The following NBPF19 variants were observed in gnomAD, a reference collection of about 807,000 sequenced individuals.
NBPF19 encodes NBPF family member NBPF19.
A neutral mutation model predicts 45.9 loss-of-function variants in NBPF19; 30 were observed. The observed-to-expected ratio is 0.65, with a 90% CI of 0.49 to 0.89. The LOEUF is 0.89. NBPF19 is among the 40% of genes least tolerant of loss of function. The pLI is 0.00. For synonymous variants in NBPF19, 183 were observed against 181.2 expected, an observed-to-expected ratio of 1.01 and a Z score of -0.08; for missense variants, 495 against 471.8, an observed-to-expected ratio of 1.05 and a Z score of -0.46.
At chr1:149,553,731 G>A in intron 92 of NBPF19, 43 bp from the exon 93 acceptor site, 2 of 92,802 alleles carry the variant, frequency 2.2e-5, no homozygotes, top group African/African-American at 5.8e-4. Context: ...TGTGTGTAGG[G>A]GAATCAGCTT....
Position 149,487,939 on chromosome 1 carries a change from C to G in NBPF19, c.1041-74C>G, listed in dbSNP as rs2085711024. The stretch of plus-strand genomic sequence containing the variant: ...CTTTTCAAACTCTTCCTTATGTTAG[C>G]CATGAAATCTAGCTGGGGCTGTGTG... On this transcript the variant is annotated intron_variant, in intron 9 of 93. Transcript: ENST00000651566. 5.6e-6 allele frequency: 4 copies of G among 720,350 alleles called. 1 individual carries two copies. The Admixed American group carries it at 8.0e-5, about 14-fold the overall frequency. 44.6% of individuals were successfully genotyped at this position (720,350 alleles called of 1,614,324 possible).
In NBPF19 at chr1:149,488,378, C is replaced by T. The variant is rs1461492801; in HGVS notation, c.1213+193C>T. 1.9e-3 allele frequency among the ~76,000 whole-genome samples: 268 copies of T among 142,750 alleles called. 24 individuals carry two copies. The highest frequency in any genetic ancestry group is 2.0e-3 in the Non-Finnish European group (134 of 66,042). The allele number at this position is 142,750 out of a possible 152,430, so 93.6% of individuals were successfully genotyped here. On this transcript the variant is annotated intron_variant, in intron 10 of 93. Transcript: ENST00000651566. ...AAGGGATGGTTCAGTGAGCAAGGCTCTCTTCCTAGTCTCAGGCCATACCTG... is the reference window on the plus strand; with the variant it reads ...AAGGGATGGTTCAGTGAGCAAGGCTTTCTTCCTAGTCTCAGGCCATACCTG...
rs2084770956 is a variant in NBPF19, at chr1:149,475,574, A to G, written c.-257A>G. 8.5e-6 allele frequency: 6 copies of G among 707,068 alleles called. No homozygotes were observed. The highest frequency in any genetic ancestry group is 1.8e-5 in the South Asian group (1 of 54,540). The allele number at this position is 707,068 out of a possible 1,614,324, so 43.8% of individuals were successfully genotyped here. A position where few individuals can be genotyped will look rare whatever the true frequency, so the allele number is the denominator to read the frequency against. On this transcript the variant is annotated 5_prime_UTR_variant, in exon 1 of 94. Transcript: ENST00000651566. ...CCTGTGTTTCAGCAAAGCCTGGGCA[A>G]TTGGAATGCAGAGCTCCTAAGATTC...
At chr1:149,478,172 C>T (rs1570938588) in intron 3 of NBPF19, 125 bp downstream of exon 3, 2 of 783,584 alleles carry the variant, frequency 2.6e-6, no homozygotes, top group African/African-American at 3.4e-5. Context: ...CCATGACAGG[C>T]TCATGACACA....
chr1:149,476,991 C>G lies in NBPF19; in HGVS notation c.175+884C>G, dbSNP rs1350998998. Among the ~76,000 whole-genome samples the G allele has an allele frequency of 8.3e-3, 1,254 of 150,666 alleles. 43 individuals carry two copies. Among genetic ancestry groups the G allele is most frequent in the Admixed American group, 0.011 (169 of 15,112 alleles). On this transcript the variant is annotated intron_variant, in intron 2 of 93. Coordinates refer to ENST00000651566, the MANE Select transcript of NBPF19 (RefSeq NM_001351365.2). ...AAATAAAAATAAAAAGCAGAGAGTACCTTGGTGAGAGTGAAGTCCTGCTTC... is the reference window on the plus strand; with the variant it reads ...AAATAAAAATAAAAAGCAGAGAGTAGCTTGGTGAGAGTGAAGTCCTGCTTC...
intron 9 of NBPF19, 56 bp downstream of exon 9, chr1:149,487,439 G>C (rs1237476067): frequency 7.4e-6 from 7 of 945,308 alleles, no homozygotes; most frequent in South Asian, 3.8e-5. Flanking sequence ...GAGATGCCAA[G>C]TCCAGGGAAA....
Position 149,554,572 on chromosome 1 carries a change from C to G in NBPF19, c.11366C>G (p.Ser3789Ter). ...CTGGATGGATGTTATTCGACTCCGTCAATGTACTTTGAACTACCTGACTCA... is the reference window on the plus strand; with the variant it reads ...CTGGATGGATGTTATTCGACTCCGTGAATGTACTTTGAACTACCTGACTCA... Reference protein sequence around the residue: ...DSLDGCYSTPSMYFELPDSFQ... With the variant: ...DSLDGCYSTP Residue 3789 changes from serine (S) to a stop codon, truncating the protein, a stop_gained, in exon 94 of 94, where the codon TCA becomes TGA. Coordinates refer to ENST00000651566, the MANE Select transcript of NBPF19 (RefSeq NM_001351365.2). LOFTEE classifies it low-confidence loss of function (END_TRUNC). The G allele has an allele frequency of 2.5e-6, 4 of 1,608,246 alleles. No homozygotes were observed. Among genetic ancestry groups the G allele is most frequent in the South Asian group, 1.1e-5 (1 of 90,878 alleles).
rs1302168006 is a variant in NBPF19, at chr1:149,556,315, G to T, written c.*1577G>T. 2 of 149,318 alleles carry T rather than the reference G, an allele frequency of 1.3e-5. No homozygotes were observed. Among genetic ancestry groups the T allele is most frequent in the East Asian group, 3.9e-4 (2 of 5,088 alleles). The allele number at this position is 149,318 out of a possible 1,614,324, so 9.2% of individuals were successfully genotyped here. The stretch of plus-strand genomic sequence containing the variant: ...GTTATAATATTTGATTATGCTGATT[G>T]GTTTTGGTGGGTACTGATGTGAATT... On this transcript the variant is annotated 3_prime_UTR_variant, in exon 94 of 94. Coordinates refer to ENST00000651566, the MANE Select transcript of NBPF19 (RefSeq NM_001351365.2).
At chr1:149,514,889 T>C in intron 43 of NBPF19, 47 bp from the exon 44 acceptor site, 1 of 535,400 alleles carries the variant, frequency 1.9e-6, no homozygotes, top group Non-Finnish European at 3.3e-6. Flanking sequence ...GGCTCTGTTG[T>C]GTGTGATTTC....
Position 149,488,053 on chromosome 1 carries a change from T to C in NBPF19, c.1081T>C (p.Leu361=). The C allele has an allele frequency of 2.9e-6, 2 of 684,126 alleles. 1 individual carries two copies. The highest frequency in any genetic ancestry group is 5.3e-6 in the Non-Finnish European group (2 of 375,786). The allele number at this position is 684,126 out of a possible 1,614,324, so 42.4% of individuals were successfully genotyped here. ...ELLDEKGPEV[L]QDSLDRCYST... Reference sequence around the variant, plus strand: ...GCTGGATGAGAAAGGGCCTGAAGTCTTGCAGGACTCACTGGATAGATGTTA... The same window carrying C: ...GCTGGATGAGAAAGGGCCTGAAGTCCTGCAGGACTCACTGGATAGATGTTA... The change falls in exon 10 of 94, where the codon TTG becomes CTG. Residue 361 remains leucine (L), a synonymous_variant. Coordinates refer to ENST00000651566, the MANE Select transcript of NBPF19 (RefSeq NM_001351365.2).
intron 3 of NBPF19, 39 bp from the exon 4 acceptor site, chr1:149,478,841 C>G (rs1570941676): frequency 6.5e-6 from 10 of 1,531,086 alleles, no homozygotes; most frequent in African/African-American, 1.4e-5. Context: ...ATCACTCAAC[C>G]CTTTCTACTC....
rs1434845891 is a variant in NBPF19 at position 149,487,911 on chromosome 1, T to C, written c.1041-102T>C. 1.3e-5 allele frequency: 10 copies of C among 743,878 alleles called. No individual in the cohort carries two copies. In the African/African-American group the frequency reaches 1.6e-4, roughly 12 times the overall value. The allele number at this position is 743,878 out of a possible 1,614,324, so 46.1% of individuals were successfully genotyped here. On this transcript the variant is annotated intron_variant, in intron 9 of 93. Transcript: ENST00000651566. ...TTACCTCACTAATGGATCTCTCCTT[T>C]TTCTTTTCAAACTCTTCCTTATGTT...
At position 149,475,584 on chromosome 1, in the gene NBPF19, A is replaced by G. The variant is rs2084771035; in HGVS notation, c.-247A>G. 29 of 642,506 alleles carry G rather than the reference A, an allele frequency of 4.5e-5. No homozygotes were observed. Among genetic ancestry groups the G allele is most frequent in the East Asian group, 2.7e-5 (1 of 36,510 alleles). 39.8% of individuals were successfully genotyped at this position (642,506 alleles called of 1,614,324 possible). On this transcript the variant is annotated 5_prime_UTR_variant, in exon 1 of 94. Coordinates refer to ENST00000651566, the MANE Select transcript of NBPF19 (RefSeq NM_001351365.2). ...AGCAAAGCCTGGGCAATTGGAATGC[A>G]GAGCTCCTAAGATTCCATGACACCC...
chr1:149,491,015 C>G, intron 13 of NBPF19, 124 bp from the exon 14 acceptor site: 1 of 483,838 alleles, frequency 2.1e-6, no homozygotes, highest in Non-Finnish European at 3.5e-6. Context: ...AATTTGTTAC[C>G]TCATTAATGG....
In NBPF19 at chr1:149,490,912, G is replaced by A. The variant is rs1177069314; in HGVS notation, c.1491-227G>A. Among the ~76,000 whole-genome samples the A allele has an allele frequency of 1.5e-5, 2 of 132,666 alleles. 1 individual carries two copies. Among genetic ancestry groups the A allele is most frequent in the Non-Finnish European group, 3.2e-5 (2 of 62,870 alleles). The allele number at this position is 132,666 out of a possible 152,430, so 87.0% of individuals were successfully genotyped here. On this transcript the variant is annotated intron_variant, in intron 13 of 93. Transcript: ENST00000651566. ...TCTCTCTCTCTCTGTGTGTGTGTGT[G>A]TGTGTGTGCGTGTGTGTGTGTGTGT...
intron 50 of NBPF19, among the ~76,000 whole-genome samples, chr1:149,520,337 AC>A (rs1346040160): frequency 1.7e-4 from 4 of 23,388 alleles, no homozygotes; most frequent in East Asian, 6.2e-3. Flanking sequence ...CAAACTTGGG[AC>A]AAATGATATT....
At chr1:149,478,389 A>G (rs2084973935) in intron 3 of NBPF19, among the ~76,000 whole-genome samples, 1 of 150,828 alleles carries the variant, frequency 6.6e-6, no homozygotes, top group South Asian at 2.1e-4. Flanking sequence ...AGTGAGAATC[A>G]CCTCCTGACT....
At chr1:149,529,017 T>C (rs2086930136) in intron 61 of NBPF19, among the ~76,000 whole-genome samples, 157 bp from the exon 62 acceptor site, 1 of 121,910 alleles carries the variant, frequency 8.2e-6, no homozygotes, top group South Asian at 3.0e-4. Flanking sequence ...TTTGGCCCTG[T>C]TCTGTCCCAA....
chr1:149,487,178 A>C (rs1340709165), intron 8 of NBPF19, among the ~76,000 whole-genome samples, 154 bp from the exon 9 acceptor site: 2 of 151,202 alleles, frequency 1.3e-5, no homozygotes, highest in African/African-American at 4.9e-5. Context: ...AGTTTTCTCA[A>C]GACTTGACCT....
Sources: allele counts gnomAD v4.1 joint callset (sites outside exome capture counted in the v4.1 genomes callset), GRCh38; gene constraint gnomAD v4.1.1; transcripts MANE v1.5; gene names NCBI Gene and HGNC (gene_info 2026-07-23, HGNC 2026-07-21).